ARK2C: variants seen among roughly 807,000 people sequenced by gnomAD.
ARK2C encodes the protein arkadia (RNF111) C-terminal like ring finger ubiquitin ligase 2C, also known as E3 ubiquitin-protein ligase ARK2C.
At chr18:46,343,620 C>T in the ARK2C span, among the ~76,000 whole-genome samples, 5 of 152,330 alleles carry the variant, frequency 3.3e-5, no homozygotes, top group East Asian at 3.9e-4. Context: ...GAGTACTCCG[C>T]GACTTCACTG....
At chr18:46,335,810 T>G in the ARK2C span, 1 of 865,718 alleles carries the variant, frequency 1.2e-6, no homozygotes, top group Non-Finnish European at 1.4e-6. Context: ...TAGGCCTGTT[T>G]GAACCGCAGT....
chr18:46,389,070 G>T, the ARK2C span, among the ~76,000 whole-genome samples: 2 of 152,168 alleles, frequency 1.3e-5, no homozygotes, highest in Non-Finnish European at 2.9e-5. Context: ...ACAACTATTG[G>T]AGGGGGAAGA....
the ARK2C span, among the ~76,000 whole-genome samples, chr18:46,379,023 G>A: frequency 4.0e-4 from 61 of 152,322 alleles, no homozygotes; most frequent in Non-Finnish European, 7.5e-4. Context: ...GAGTAGGGAA[G>A]GAGCGGGGCA....
the ARK2C span, chr18:46,456,638 G>C: frequency 1.1e-4 from 173 of 1,602,300 alleles, no homozygotes; most frequent in Non-Finnish European, 1.4e-4. Flanking sequence ...GACAGCTGAG[G>C]GAGGAATTAG....
At chr18:46,395,400 C>T in the ARK2C span, among the ~76,000 whole-genome samples, 1 of 152,176 alleles carries the variant, frequency 6.6e-6, no homozygotes, top group Non-Finnish European at 1.5e-5. Context: ...TGTTTGGCAG[C>T]ATTCCTGGCA....
At chr18:46,445,111 T>A in the ARK2C span, among the ~76,000 whole-genome samples, 1 of 152,238 alleles carries the variant, frequency 6.6e-6, no homozygotes, top group African/African-American at 2.4e-5. Flanking sequence ...TATTGAATGA[T>A]GAACATCATT....
the ARK2C span, among the ~76,000 whole-genome samples, chr18:46,400,900 C>G: frequency 6.6e-6 from 1 of 152,160 alleles, no homozygotes; most frequent in Non-Finnish European, 1.5e-5. Flanking sequence ...CCACTTACCC[C>G]CTTCAGGTGT....
At chr18:46,354,231 C>G in the ARK2C span, among the ~76,000 whole-genome samples, 2 of 152,220 alleles carry the variant, frequency 1.3e-5, no homozygotes, top group African/African-American at 2.4e-5. Context: ...GGGGACACCT[C>G]TTGAAGGAGG....
chr18:46,362,043 G>A, the ARK2C span, among the ~76,000 whole-genome samples: 1 of 152,332 alleles, frequency 6.6e-6, no homozygotes, highest in South Asian at 2.1e-4. Flanking sequence ...AGCTTGAATT[G>A]GGCTGGAGTT....
the ARK2C span, among the ~76,000 whole-genome samples, chr18:46,373,007 T>A: frequency 1.3e-5 from 2 of 152,372 alleles, no homozygotes; most frequent in African/African-American, 4.8e-5. Context: ...AAGCTCTGTG[T>A]GTCTGTGCAT....
the ARK2C span, among the ~76,000 whole-genome samples, chr18:46,393,424 G>C: frequency 3.9e-5 from 6 of 152,160 alleles, no homozygotes; most frequent in Non-Finnish European, 4.4e-5. Flanking sequence ...GAGGGCAGAC[G>C]CCAGAAGGGT....
the ARK2C span, chr18:46,459,054 C>T: frequency 1.3e-5 from 2 of 152,228 alleles, no homozygotes; most frequent in East Asian, 3.9e-4. Context: ...GGGTGAAAAC[C>T]AAGAATTCAT....
At chr18:46,392,353 G>A in the ARK2C span, among the ~76,000 whole-genome samples, 1 of 152,244 alleles carries the variant, frequency 6.6e-6, no homozygotes, top group African/African-American at 2.4e-5. Flanking sequence ...AGGGTTCCCT[G>A]CTATGCAGAT....
chr18:46,348,234 G>T, the ARK2C span, among the ~76,000 whole-genome samples: 3 of 151,222 alleles, frequency 2.0e-5, no homozygotes, highest in Admixed American at 2.0e-4. Context: ...GGGGCTGGGG[G>T]GGGTGAGGGG....
chr18:46,343,195 C>G, the ARK2C span, among the ~76,000 whole-genome samples: 2 of 152,210 alleles, frequency 1.3e-5, no homozygotes, highest in Non-Finnish European at 2.9e-5. Flanking sequence ...TGTGACAACT[C>G]TCACTCCTCT....
At chr18:46,407,226 C>T in the ARK2C span, among the ~76,000 whole-genome samples, 1 of 152,160 alleles carries the variant, frequency 6.6e-6, no homozygotes. Context: ...GCAGTTTTCA[C>T]CCCACAGAGT....
the ARK2C span, among the ~76,000 whole-genome samples, chr18:46,383,839 C>G: frequency 6.6e-6 from 1 of 152,124 alleles, no homozygotes; most frequent in Non-Finnish European, 1.5e-5. Flanking sequence ...GCGTGAGCCA[C>G]CGCGCCCGGC....
chr18:46,334,726 G>T, the ARK2C span: 1 of 347,618 alleles, frequency 2.9e-6, no homozygotes, highest in Admixed American at 4.8e-5. The surrounding 1 kb of genome is among the most constrained non-coding windows in gnomAD (Gnocchi z 4.4). Flanking sequence ...GAGAGAGAGA[G>T]AGAGCGCGCG....
the ARK2C span, chr18:46,435,459 G>C: frequency 8.0e-7 from 1 of 1,257,130 alleles, no homozygotes; most frequent in South Asian, 1.2e-5. Context: ...GGTCTTGCCA[G>C]ATCTGTGGAG....
Sources: allele counts gnomAD v4.1 joint callset (sites outside exome capture counted in the v4.1 genomes callset), GRCh38; gene constraint gnomAD v4.1.1; non-coding constraint Gnocchi (gnomAD v3.1); transcripts MANE v1.5; gene names NCBI Gene and HGNC (gene_info 2026-07-23, HGNC 2026-07-21).